Variants in FAM181A observed in about 807,000 individuals in gnomAD.
FAM181A encodes the protein protein FAM181A.
In FAM181A, 7 loss-of-function variants were observed where a neutral mutation model predicts 16.3. The ratio of observed to expected loss-of-function variants is 0.43; its 90% CI spans 0.24 to 0.81. The LOEUF (loss-of-function observed/expected upper bound fraction) is 0.81. FAM181A is among the 30% of genes least tolerant of loss of function. The pLI, the probability that FAM181A is intolerant of heterozygous loss-of-function variation, is 0.24. For synonymous variants in FAM181A, 183 were observed against 164.9 expected, an observed-to-expected ratio of 1.11 and a Z score of -0.84; for missense variants, 349 against 377.5, an observed-to-expected ratio of 0.92 and a Z score of 0.63.
upstream of FAM181A, chr14:93,925,390 C>T: frequency 6.2e-7 from 1 of 1,605,918 alleles, no homozygotes; most frequent in Non-Finnish European, 8.5e-7. Flanking sequence ...TAGTCAGATG[C>T]CAGCTGCTGG....
At chr14:93,927,733 G>A (rs950947750) in intron 1 of FAM181A, 28 of 1,036,016 alleles carry the variant, frequency 2.7e-5, no homozygotes, top group African/African-American at 3.3e-5. Context: ...CGTGCTGGGG[G>A]CAGGAGTGGT....
chr14:93,924,822 A>T (rs1405645282), upstream of FAM181A, among the ~76,000 whole-genome samples: 2 of 152,184 alleles, frequency 1.3e-5, no homozygotes, highest in African/African-American at 4.8e-5. Flanking sequence ...GCTGGTTAAC[A>T]GCTGTGAAGC....
Position 93,929,549 on chromosome 14 carries a change from G to C in FAM181A, c.*385G>C, listed in dbSNP as rs866963021. 2.5e-5 allele frequency: 6 copies of C among 241,238 alleles called. No individual in the cohort carries two copies. Among genetic ancestry groups the C allele is most frequent in the Non-Finnish European group, 4.7e-5 (6 of 126,548 alleles). The allele number at this position is 241,238 out of a possible 1,614,324, so 14.9% of individuals were successfully genotyped here. A position where few individuals can be genotyped will look rare whatever the true frequency, so the allele number is the denominator to read the frequency against. On this transcript the variant is annotated 3_prime_UTR_variant, in exon 2 of 2. Coordinates refer to ENST00000556222, the MANE Select transcript of FAM181A (RefSeq NM_001207073.2). Reference sequence around the variant, plus strand: ...CTCAGTTGTTGTTCTTGTTCTTCTTGTTCTTTGTAAATATTGAGAAAGTTA... The same window carrying C: ...CTCAGTTGTTGTTCTTGTTCTTCTTCTTCTTTGTAAATATTGAGAAAGTTA...
chr14:93,927,232 C>T (rs1387114504), upstream of FAM181A: 43 of 969,788 alleles, frequency 4.4e-5, no homozygotes, highest in East Asian at 2.3e-4. Flanking sequence ...AATGTGGGAA[C>T]GGGGCGCCGC....
rs946566583 is a variant in FAM181A at position 93,927,692 on chromosome 14, G to A, written c.-88+238G>A. 157 of 1,236,714 alleles carry A rather than the reference G, an allele frequency of 1.3e-4. No homozygotes were observed. In the Middle Eastern group the frequency reaches 1.9e-3, roughly 15 times the overall value. The allele number at this position is 1,236,714 out of a possible 1,614,324, so 76.6% of individuals were successfully genotyped here. ...CCTGCGTGAGAGCTGGGGGTGGAGC[G>A]TGGGGACTGAGGAGGGGGGCTGGTG... On this transcript the variant is annotated intron_variant, in intron 1 of 1. Transcript: ENST00000556222.
At chr14:93,919,059 T>G (rs904332138) in intron 1 of FAM181A, 2 of 152,226 alleles carry the variant, frequency 1.3e-5, no homozygotes, top group African/African-American at 4.8e-5. Flanking sequence ...CGGTGGTCCA[T>G]CTGGGATGCC....
chr14:93,921,066 A>G (rs1234280209), intron 1 of FAM181A, among the ~76,000 whole-genome samples: 2 of 152,238 alleles, frequency 1.3e-5, no homozygotes, highest in East Asian at 3.8e-4. Context: ...GCACGCTATC[A>G]TATAGCACTG....
At chr14:93,924,316 G>T (rs1238424508), upstream of FAM181A, among the ~76,000 whole-genome samples, 1 of 152,204 alleles carries the variant, frequency 6.6e-6, no homozygotes, top group Admixed American at 6.5e-5. Flanking sequence ...TTTAAGAATG[G>T]CTGAGAGGAC....
intron 1 of FAM181A, among the ~76,000 whole-genome samples, chr14:93,920,877 T>C (rs182975461): frequency 6.0e-4 from 91 of 152,306 alleles, no homozygotes; most frequent in African/African-American, 2.1e-3. Flanking sequence ...TGAGCTCTCC[T>C]CTTTTCCTGG....
Position 93,928,362 on chromosome 14 carries a change from A to G in FAM181A, c.77A>G (p.Asp26Gly), listed in dbSNP as rs761565843. ...TCCAGCGACATCAAGGCAGCCCTGGATAAGTCCGCACCCTGCCGCCGCTCC... is the reference window on the plus strand; with the variant it reads ...TCCAGCGACATCAAGGCAGCCCTGGGTAAGTCCGCACCCTGCCGCCGCTCC... ...LASSDIKAAL[D>G]KSAPCRRSVD... is the part of the protein sequence containing the mutation. Residue 26 changes from aspartate to glycine, a missense_variant, in exon 2 of 2, where the codon GAT becomes GGT. Transcript: ENST00000556222. 1 of 1,613,904 alleles carries G rather than the reference A, an allele frequency of 6.2e-7. No homozygotes were observed. The highest frequency in any genetic ancestry group is 8.5e-7 in the Non-Finnish European group (1 of 1,180,014).
upstream of FAM181A, among the ~76,000 whole-genome samples, chr14:93,924,430 A>T (rs1887829268): frequency 6.6e-6 from 1 of 152,356 alleles, no homozygotes; most frequent in South Asian, 2.1e-4. Flanking sequence ...GACCCAGGAC[A>T]ATAATGAGAG....
At chr14:93,925,177 A>G, upstream of FAM181A, 1 of 1,124,250 alleles carries the variant, frequency 8.9e-7, no homozygotes, top group East Asian at 2.4e-5. Flanking sequence ...AGACAGCTTC[A>G]TGAGCGGGCA....
chr14:93,926,581 G>A (rs570096725), upstream of FAM181A, among the ~76,000 whole-genome samples: 27 of 152,298 alleles, frequency 1.8e-4, no homozygotes, highest in East Asian at 7.7e-4. This position sits in a 1 kb window ranked among gnomAD's most constrained non-coding sequence, Gnocchi z 5.2. Context: ...CCTTTTGTCC[G>A]GCTGCGCTGA....
At position 93,928,297 on chromosome 14, in the gene FAM181A, C is replaced by G; in HGVS notation, c.12C>G (p.Asp4Glu). The G allele has an allele frequency of 6.2e-7, 1 of 1,613,832 alleles. No homozygotes were observed. Among genetic ancestry groups the G allele is most frequent in the South Asian group, 1.1e-5 (1 of 91,086 alleles). Residue 4 changes from aspartate to glutamate, a missense_variant, in exon 2 of 2, where the codon GAC becomes GAG. Transcript: ENST00000556222. The stretch of plus-strand genomic sequence containing the variant: ...GTGGCCCCCTGGTGATGGCATCCGA[C>G]AGTGATGTGAAGATGCTGCTGAACT... MAS[D>E]SDVKMLLNFV...
intron 1 of FAM181A, among the ~76,000 whole-genome samples, 196 bp from the exon 2 acceptor site, chr14:93,928,003 C>G (rs1403366471): frequency 6.6e-6 from 1 of 152,140 alleles, no homozygotes; most frequent in Non-Finnish European, 1.5e-5. Context: ...CTGGGCGAGG[C>G]TCTGCTGGTG....
chr14:93,925,168 G>C, upstream of FAM181A: 1 of 1,044,498 alleles, frequency 9.6e-7, no homozygotes, highest in Non-Finnish European at 1.4e-6. Context: ...AGAAAGGAGA[G>C]ACAGCTTCAT....
intron 1 of FAM181A, among the ~76,000 whole-genome samples, chr14:93,919,830 C>G (rs1032622941): frequency 2.0e-5 from 3 of 151,946 alleles, no homozygotes; most frequent in African/African-American, 7.3e-5. Context: ...CAAAGCAGTG[C>G]TGAGAGGAAA....
intron 1 of FAM181A, among the ~76,000 whole-genome samples, chr14:93,927,980 A>G (rs28515866): frequency 0.63 from 95,115 of 151,616 alleles, 30,598 homozygotes; most frequent in African/African-American, 0.78. Flanking sequence ...AAGGGGCACC[A>G]GACCCAAGCA....
chr14:93,920,143 G>A (rs1567009327), intron 1 of FAM181A, among the ~76,000 whole-genome samples: 1 of 152,212 alleles, frequency 6.6e-6, no homozygotes, highest in Admixed American at 6.5e-5. Context: ...GTCAGGTGTG[G>A]TGGCTCATAC....
Sources: gnomAD v4.1 joint callset for allele counts (sites outside exome capture counted in the v4.1 genomes callset) on GRCh38, gnomAD v4.1.1 for gene constraint, Gnocchi (gnomAD v3.1) non-coding constraint, MANE v1.5 for transcripts, NCBI Gene and HGNC (gene_info 2026-07-23, HGNC 2026-07-21) for gene names.